The following OR2T33 variants were observed in gnomAD, a reference collection of about 807,000 sequenced individuals.
OR2T33 encodes the protein olfactory receptor family 2 subfamily T member 33.
OR2T33 carries 10 observed loss-of-function variants against 14.0 expected under a neutral mutation model. The ratio of observed to expected loss-of-function variants is 0.72; its 90% confidence interval spans 0.44 to 1.22. The LOEUF is 1.22. Ranked by LOEUF, OR2T33 falls within the 50% of genes most tolerant of loss-of-function variation. The probability of loss-of-function intolerance (pLI) is 0.00; values close to 1 mark genes in which losing one functional copy is unlikely to be tolerated. For synonymous variants in OR2T33, 103 were observed against 159.4 expected (o/e 0.65, Z 2.66); for missense variants, 276 against 405.9 (o/e 0.68, Z 2.75).
Position 248,272,302 on chromosome 1 carries a change from T to A in OR2T33, c.*550A>T, listed in dbSNP as rs941918784. 6.6e-6 allele frequency: 1 copy of A among 152,226 alleles called. No homozygotes were observed. The highest frequency in any genetic ancestry group is 1.5e-5 in the Non-Finnish European group (1 of 68,058). 9.4% of individuals were successfully genotyped at this position (152,226 alleles called of 1,614,324 possible). The stretch of plus-strand genomic sequence containing the variant: ...AGACTGTTGAAAAAATACAAAAAAA[T>A]TGTGGCAATATAGCAGTTACATTTG... On this transcript the variant is annotated 3_prime_UTR_variant, in exon 2 of 2. Transcript: ENST00000641220.
At chr1:248,275,144 A>G (rs1476244661) in intron 1 of OR2T33, among the ~76,000 whole-genome samples, 1 of 152,192 alleles carries the variant, frequency 6.6e-6, no homozygotes, top group Non-Finnish European at 1.5e-5. Flanking sequence ...TTTAGACCTC[A>G]TCTCATACAC....
Position 248,273,789 on chromosome 1 carries a change from T to C in OR2T33, c.26A>G (p.Asp9Gly), listed in dbSNP as rs1659416941. Residue 9 changes from aspartate to glycine, a missense_variant, in exon 2 of 2, where the codon GAT becomes GGT. Transcript: ENST00000641220. MEMRNTTP[D>G]FILLGLFNHT... ...GTTAAAGAGTCCTAGGAGAATAAAA[T>C]CTGGGGTAGTATTTCTCATCTCCAT... 2 of 1,611,996 alleles carry C rather than the reference T, an allele frequency of 1.2e-6. No homozygotes were observed. Among genetic ancestry groups the C allele is most frequent in the South Asian group, 2.2e-5 (2 of 91,004 alleles).
rs1659368902 is a variant in OR2T33 at position 248,271,346 on chromosome 1, T to C, written c.*1506A>G. 6.6e-6 allele frequency: 1 copy of C among 152,192 alleles called. No homozygotes were observed. Among genetic ancestry groups the C allele is most frequent in the Non-Finnish European group, 1.5e-5 (1 of 68,026 alleles). 9.4% of individuals were successfully genotyped at this position (152,192 alleles called of 1,614,324 possible). ...CATTCTAAGAGAAGATTTTTTTAGA[T>C]GGTATAAATGACAGAATTTGTGCAG... On this transcript the variant is annotated 3_prime_UTR_variant, in exon 2 of 2. Coordinates refer to ENST00000641220, the MANE Select transcript of OR2T33 (RefSeq NM_001004695.2).
In OR2T33 at chr1:248,270,304, G is replaced by C. The variant is rs1353407502; in HGVS notation, c.*2548C>G. On this transcript the variant is annotated 3_prime_UTR_variant, in exon 2 of 2. Transcript: ENST00000641220. ...GAAGCGGGGAGGGATAGCACTAGGA[G>C]ATATACCTAATGTAAATGATGAGTT... 6.6e-6 allele frequency: 1 copy of C among 152,176 alleles called. No homozygotes were observed. The highest frequency in any genetic ancestry group is 2.4e-5 in the African/African-American group (1 of 41,428). The allele number at this position is 152,176 out of a possible 1,614,324, so 9.4% of individuals were successfully genotyped here.
In OR2T33 at chr1:248,273,185, G is replaced by C; in HGVS notation, c.630C>G (p.Ser210=). 1 of 1,609,112 alleles carries C rather than the reference G, an allele frequency of 6.2e-7. No homozygotes were observed. The highest frequency in any genetic ancestry group is 8.5e-7 in the Non-Finnish European group (1 of 1,178,044). ...CCVLMLLVPF[S]LILSSYGLIL... ...TGAGACCATAGGAGGACAGGATGAG[G>C]GAAAAGGGGACCAGGAGCATTAACA... The change falls in exon 2 of 2, where the codon TCC becomes TCG. Residue 210 remains serine, a synonymous_variant. Transcript: ENST00000641220.
At position 248,272,824 on chromosome 1, in the gene OR2T33, C is replaced by T. The variant is rs542002762; in HGVS notation, c.*28G>A. The T allele has an allele frequency of 1.3e-6, 2 of 1,566,210 alleles. No homozygotes were observed. The highest frequency in any genetic ancestry group is 1.7e-6 in the Non-Finnish European group (2 of 1,160,632). On this transcript the variant is annotated 3_prime_UTR_variant, in exon 2 of 2. Coordinates refer to ENST00000641220, the MANE Select transcript of OR2T33 (RefSeq NM_001004695.2). The stretch of plus-strand genomic sequence containing the variant: ...CAATGTGTTAAAATATTAATAAATT[C>T]AGGAACTTAGACTCATTTGACATTA...
Position 248,270,750 on chromosome 1 carries a change from A to C in OR2T33, c.*2102T>G, listed in dbSNP as rs1659359809. 6.6e-6 allele frequency: 1 copy of C among 152,154 alleles called. No homozygotes were observed. Among genetic ancestry groups the C allele is most frequent in the African/African-American group, 2.4e-5 (1 of 41,450 alleles). 9.4% of individuals were successfully genotyped at this position (152,154 alleles called of 1,614,324 possible). A position where few individuals can be genotyped will look rare whatever the true frequency, so the allele number is the denominator to read the frequency against. ...ATAATTTTTATAGAGATAATACATA[A>C]GAAACACCCACTAATCGTAGAAAAC... On this transcript the variant is annotated 3_prime_UTR_variant, in exon 2 of 2. Coordinates refer to ENST00000641220, the MANE Select transcript of OR2T33 (RefSeq NM_001004695.2).
rs1305475082 is a variant in OR2T33, at chr1:248,271,305, T to A, written c.*1547A>T. The stretch of plus-strand genomic sequence containing the variant: ...ATGAAATTTCCATGACTACATTTAC[T>A]TGTGTAAATTTCACCCATTCTAAGA... On this transcript the variant is annotated 3_prime_UTR_variant, in exon 2 of 2. Coordinates refer to ENST00000641220, the MANE Select transcript of OR2T33 (RefSeq NM_001004695.2). The A allele has an allele frequency of 2.6e-5, 4 of 152,214 alleles. No individual in the cohort carries two copies. Among genetic ancestry groups the A allele is most frequent in the Non-Finnish European group, 5.9e-5 (4 of 68,028 alleles). 9.4% of individuals were successfully genotyped at this position (152,214 alleles called of 1,614,324 possible).
rs1659404110 is a variant in OR2T33 at position 248,273,400 on chromosome 1, A to C, written c.415T>G (p.Cys139Gly). ...CAACACGACATGGTCATCCTCAGGC[A>C]CAGCTGCCAGCTCATGAGAGTGGGA... is the stretch of plus-strand genomic sequence containing the variant. Reference protein sequence around the residue: ...RYPTLMSWQLCLRMTMSCWLL... With the variant: ...RYPTLMSWQLGLRMTMSCWLL... The change falls in exon 2 of 2, where the codon TGC becomes GGC. Residue 139 changes from cysteine to glycine, a missense_variant. Cys to Gly is a radical substitution (Grantham distance 159, BLOSUM62 -3). Transcript: ENST00000641220. 6.2e-7 allele frequency: 1 copy of C among 1,612,306 alleles called. No individual in the cohort carries two copies. Among genetic ancestry groups the C allele is most frequent in the South Asian group, 1.1e-5 (1 of 91,002 alleles).
At position 248,271,901 on chromosome 1, in the gene OR2T33, GTCT is replaced by G. The variant is rs942890712; in HGVS notation, c.*948_*950del. 6 of 152,012 alleles carry G rather than the reference GTCT, an allele frequency of 3.9e-5. No homozygotes were observed. The highest frequency in any genetic ancestry group is 2.0e-4 in the Admixed American group (3 of 15,266). 9.4% of individuals were successfully genotyped at this position (152,012 alleles called of 1,614,324 possible). A position where few individuals can be genotyped will look rare whatever the true frequency, so the allele number is the denominator to read the frequency against. ...AGCTTGTGTCTTTATTAATAGAATAGTCTTCTTTTTTTTTGTTTTGCAAACCCC... is the reference window on the plus strand; with the variant it reads ...AGCTTGTGTCTTTATTAATAGAATAGTCTTTTTTTTTGTTTTGCAAACCCC... On this transcript the variant is annotated 3_prime_UTR_variant, in exon 2 of 2. Coordinates refer to ENST00000641220, the MANE Select transcript of OR2T33 (RefSeq NM_001004695.2).
intron 1 of OR2T33, among the ~76,000 whole-genome samples, chr1:248,276,343 GT>G (rs967587231): frequency 4.8e-4 from 73 of 151,926 alleles, no homozygotes; most frequent in Non-Finnish European, 9.7e-4. Context: ...TTTGAAAATA[GT>G]TTTTTTAATG....
chr1:248,270,547 T>G lies in OR2T33; in HGVS notation c.*2305A>C, dbSNP rs1659356765. 6.6e-6 allele frequency: 1 copy of G among 152,054 alleles called. No homozygotes were observed. Among genetic ancestry groups the G allele is most frequent in the Admixed American group, 6.6e-5 (1 of 15,264 alleles). 9.4% of individuals were successfully genotyped at this position (152,054 alleles called of 1,614,324 possible). On this transcript the variant is annotated 3_prime_UTR_variant, in exon 2 of 2. Coordinates refer to ENST00000641220, the MANE Select transcript of OR2T33 (RefSeq NM_001004695.2). ...GATTGGCAGTTGCTAGGGGCTGAAA[T>G]GGGGAGAAAAACTGCTTAATGGATG...
In OR2T33 at chr1:248,272,841, T is replaced by G. The variant is rs373476061; in HGVS notation, c.*11A>C. 6.2e-7 allele frequency: 1 copy of G among 1,600,228 alleles called. No individual in the cohort carries two copies. Among genetic ancestry groups the G allele is most frequent in the Non-Finnish European group, 8.5e-7 (1 of 1,173,578 alleles). ...AATAAATTCAGGAACTTAGACTCATTTGACATTAGATCATCTTGACCTGTG... is the reference window on the plus strand; with the variant it reads ...AATAAATTCAGGAACTTAGACTCATGTGACATTAGATCATCTTGACCTGTG... On this transcript the variant is annotated 3_prime_UTR_variant, in exon 2 of 2. Transcript: ENST00000641220.
At position 248,272,838 on chromosome 1, in the gene OR2T33, C is replaced by T. The variant is rs369561941; in HGVS notation, c.*14G>A. 10 of 1,598,086 alleles carry T rather than the reference C, an allele frequency of 6.3e-6. No homozygotes were observed. Among genetic ancestry groups the T allele is most frequent in the Non-Finnish European group, 8.5e-6 (10 of 1,172,804 alleles). On this transcript the variant is annotated 3_prime_UTR_variant, in exon 2 of 2. Coordinates refer to ENST00000641220, the MANE Select transcript of OR2T33 (RefSeq NM_001004695.2). Reference sequence around the variant, plus strand: ...ATTAATAAATTCAGGAACTTAGACTCATTTGACATTAGATCATCTTGACCT... The same window carrying T: ...ATTAATAAATTCAGGAACTTAGACTTATTTGACATTAGATCATCTTGACCT...
Position 248,270,830 on chromosome 1 carries a change from C to T in OR2T33, c.*2022G>A, listed in dbSNP as rs1659360997. The T allele has an allele frequency of 6.6e-6, 1 of 151,712 alleles. No individual in the cohort carries two copies. Among genetic ancestry groups the T allele is most frequent in the South Asian group, 2.1e-4 (1 of 4,804 alleles). The allele number at this position is 151,712 out of a possible 1,614,324, so 9.4% of individuals were successfully genotyped here. Reference sequence around the variant, plus strand: ...AAAATCTCTGCTCTGAAAAATATACCATTAAAATAACAAACAGGCTAGCCA... The same window carrying T: ...AAAATCTCTGCTCTGAAAAATATACTATTAAAATAACAAACAGGCTAGCCA... On this transcript the variant is annotated 3_prime_UTR_variant, in exon 2 of 2. Transcript: ENST00000641220.
rs1292856873 is a variant in OR2T33, at chr1:248,270,583, CTTTGGAGTGATGGAAGTG to C, written c.*2251_*2268del. On this transcript the variant is annotated 3_prime_UTR_variant, in exon 2 of 2. Transcript: ENST00000641220. Reference sequence around the variant, plus strand: ...ACTGCTTAATGGATGAGGGGTTTTACTTTGGAGTGATGGAAGTGTTTTGGAGTTAGTGATGATGGTCGT... The same window carrying C: ...ACTGCTTAATGGATGAGGGGTTTTACTTTTGGAGTTAGTGATGATGGTCGT... 1.3e-5 allele frequency: 2 copies of C among 152,048 alleles called. No homozygotes were observed. The highest frequency in any genetic ancestry group is 2.9e-5 in the Non-Finnish European group (2 of 68,006). The allele number at this position is 152,048 out of a possible 1,614,324, so 9.4% of individuals were successfully genotyped here.
At chr1:248,275,619 C>G (rs1313041162) in intron 1 of OR2T33, among the ~76,000 whole-genome samples, 1 of 152,076 alleles carries the variant, frequency 6.6e-6, no homozygotes. Context: ...TCACTGTTGT[C>G]CAAACCACCA....
chr1:248,277,401 C>T (rs1327536719), intron 1 of OR2T33, among the ~76,000 whole-genome samples: 1 of 152,088 alleles, frequency 6.6e-6, no homozygotes, highest in Non-Finnish European at 1.5e-5. Context: ...CTACCCTCCA[C>T]AAAGGCAGTG....
Position 248,271,801 on chromosome 1 carries a change from C to T in OR2T33, c.*1051G>A, listed in dbSNP as rs971731580. The T allele has an allele frequency of 1.3e-5, 2 of 152,156 alleles. No individual in the cohort carries two copies. Among genetic ancestry groups the T allele is most frequent in the Non-Finnish European group, 2.9e-5 (2 of 68,014 alleles). 9.4% of individuals were successfully genotyped at this position (152,156 alleles called of 1,614,324 possible). On this transcript the variant is annotated 3_prime_UTR_variant, in exon 2 of 2. Transcript: ENST00000641220. ...GAAATATAGCCTTTATCATAAAACT[C>T]TCTAAGACGATTTGATATCCAGTCT...
Sources: allele counts gnomAD v4.1 joint callset (sites outside exome capture counted in the v4.1 genomes callset), GRCh38; gene constraint gnomAD v4.1.1; transcripts MANE v1.5; gene names NCBI Gene and HGNC (gene_info 2026-07-23, HGNC 2026-07-21).